Variants in BPHL observed in about 807,000 individuals in gnomAD.
BPHL encodes biphenyl hydrolase like, also known as serine hydrolase BPHL.
Under a neutral mutation model 31.2 loss-of-function variants are expected in BPHL, and 27 were observed. The ratio of observed to expected loss-of-function variants is 0.87; its 90% CI spans 0.64 to 1.19. BPHL has a LOEUF of 1.19. Among genes scored for constraint, BPHL ranks in the 50% most tolerant of loss-of-function variants. The probability of loss-of-function intolerance (pLI) is 0.00; values close to 1 mark genes in which losing one functional copy is unlikely to be tolerated. For synonymous variants in BPHL, 150 were observed against 146.8 expected (o/e 1.02, Z -0.16); for missense variants, 356 against 375.7 (o/e 0.95, Z 0.43).
chr6:3,123,906 A>G (rs765876410), intron 2 of BPHL, 146 bp downstream of exon 2: 2 of 661,194 alleles, frequency 3.0e-6, no homozygotes, highest in Non-Finnish European at 4.8e-6. Flanking sequence ...AATGACTTAG[A>G]AAAGTAGGTA....
chr6:3,141,793 G>A (rs1762185289), intron 6 of BPHL, among the ~76,000 whole-genome samples: 3 of 152,122 alleles, frequency 2.0e-5, no homozygotes, highest in East Asian at 4.0e-4. Context: ...AGCCAACATG[G>A]CGAAACCCCA....
intron 1 of BPHL, 51 bp from the exon 2 acceptor site, chr6:3,123,606 A>T (rs1363631819): frequency 6.6e-7 from 1 of 1,522,140 alleles, no homozygotes; most frequent in Admixed American, 1.7e-5. Flanking sequence ...CAACTAAGAA[A>T]TCTTCCCATC....
rs889611200 is a variant in BPHL, at chr6:3,129,158, C to G, written c.492C>G (p.Ala164=). The G allele has an allele frequency of 3.7e-6, 6 of 1,609,500 alleles. No individual in the cohort carries two copies. The highest frequency in any genetic ancestry group is 5.1e-6 in the Non-Finnish European group (6 of 1,177,356). ...SYIHKMVIWG[A]NAYVTDEDSM... The stretch of plus-strand genomic sequence containing the variant: ...TCCACAAGATGGTGATCTGGGGCGC[C>G]AACGCCTACGTCACTGACGAAGACA... The change falls in exon 4 of 7, where the codon GCC becomes GCG. Residue 164 remains alanine (A), a synonymous_variant. Coordinates refer to ENST00000380379, the MANE Select transcript of BPHL (RefSeq NM_004332.4).
intron 1 of BPHL, among the ~76,000 whole-genome samples, chr6:3,122,106 C>A (rs528686518): frequency 6.6e-6 from 1 of 151,964 alleles, no homozygotes; most frequent in Non-Finnish European, 1.5e-5. Flanking sequence ...GGTGAAACCC[C>A]GTCTCTACTA....
At position 3,121,916 on chromosome 6, in the gene BPHL, A is replaced by C. The variant is rs140491447; in HGVS notation, c.108-1741A>C. Among the ~76,000 whole-genome samples the C allele has an allele frequency of 5.4e-4, 83 of 152,300 alleles. No homozygotes were observed. In the East Asian group the frequency reaches 0.016, roughly 29 times the overall value. On this transcript the variant is annotated intron_variant, in intron 1 of 6. Coordinates refer to ENST00000380379, the MANE Select transcript of BPHL (RefSeq NM_004332.4). ...CAAATAAGATTAAACCAAAAGATAA[A>C]ACAGGACCTCATTTTTTCAAAAGGG...
At chr6:3,146,146 TTGGAGTG>T (rs1762345030) in intron 6 of BPHL, among the ~76,000 whole-genome samples, 1 of 28,128 alleles carries the variant, frequency 3.6e-5, no homozygotes, top group Non-Finnish European at 6.6e-5. Flanking sequence ...CTGGTTCGGG[TTGGAGTG>T]CTGGTTCGGG....
At chr6:3,144,757 G>A (rs1211582957) in intron 6 of BPHL, among the ~76,000 whole-genome samples, 4 of 152,102 alleles carry the variant, frequency 2.6e-5, no homozygotes, top group Non-Finnish European at 4.4e-5. Context: ...ACACTCCACC[G>A]CCTATCCCAG....
At chr6:3,119,167 T>G in intron 1 of BPHL, 1 of 947,462 alleles carries the variant, frequency 1.1e-6, no homozygotes, top group South Asian at 1.4e-5. Flanking sequence ...GCCTGTAGTA[T>G]GGACTCACCC....
chr6:3,118,593 T>A (rs1761455083), upstream of BPHL: 1 of 535,666 alleles, frequency 1.9e-6, no homozygotes, highest in Admixed American at 4.4e-5. Flanking sequence ...CGGCAGGGCG[T>A]GGCTTCGGGG....
intron 2 of BPHL, among the ~76,000 whole-genome samples, chr6:3,125,509 GTTTT>G: frequency 6.7e-6 from 1 of 149,664 alleles, no homozygotes; most frequent in Non-Finnish European, 1.5e-5. Flanking sequence ...TTCCTTAAAT[GTTTT>G]TTTAAGTTTT....
At chr6:3,133,214 C>T (rs910751746) in intron 4 of BPHL, among the ~76,000 whole-genome samples, 1 of 150,292 alleles carries the variant, frequency 6.7e-6, no homozygotes. Context: ...CCCCACACTG[C>T]GGCCTGCAGC....
chr6:3,140,635 C>A lies in BPHL; in HGVS notation c.788+126C>A, dbSNP rs935341430. On this transcript the variant is annotated intron_variant, in intron 6 of 6. Coordinates refer to ENST00000380379, the MANE Select transcript of BPHL (RefSeq NM_004332.4). The surrounding 1 kb of genome is among the most constrained non-coding windows in gnomAD (Gnocchi z 5.2). ...TGCACAGCCCCCCTTTTGCCAATGC[C>A]AGTCAGTAGCACCGCTTTATTTAGG... 5 of 1,396,150 alleles carry A rather than the reference C, an allele frequency of 3.6e-6. No homozygotes were observed. Among genetic ancestry groups the A allele is most frequent in the South Asian group, 1.3e-5 (1 of 76,390 alleles). 86.5% of individuals were successfully genotyped at this position (1,396,150 alleles called of 1,614,324 possible).
rs1581460183 is a variant in BPHL at position 3,123,002 on chromosome 6, A to G, written c.108-655A>G. ...TGCCCCTGATGTCCACCCTCGTTTC[A>G]CGCCAGCCTGCACTTGAGGACCCTT... On this transcript the variant is annotated intron_variant, in intron 1 of 6. Transcript: ENST00000380379. Among the ~76,000 whole-genome samples, 3 of 152,252 alleles carry G rather than the reference A, an allele frequency of 2.0e-5. No homozygotes were observed. In the South Asian group the frequency reaches 6.2e-4, roughly 32 times the overall value.
chr6:3,146,707 C>T (rs1467593366), intron 6 of BPHL, among the ~76,000 whole-genome samples: 4 of 124,530 alleles, frequency 3.2e-5, no homozygotes, highest in African/African-American at 9.8e-5. Context: ...TGATTTGGGT[C>T]GGAGTGCTGG....
intron 6 of BPHL, among the ~76,000 whole-genome samples, chr6:3,148,634 C>T (rs1370748153): frequency 1.3e-5 from 2 of 152,206 alleles, no homozygotes; most frequent in African/African-American, 2.4e-5. Flanking sequence ...CTCCTCTTCC[C>T]AGGTGCTGCT....
Position 3,123,752 on chromosome 6 carries a change from G to T in BPHL, c.203G>T (p.Gly68Val), listed in dbSNP as rs773750361. ...GATCACGCAGTCCTGCTACTTCCTG[G>T]GATGTTAGGTCTGGGTACTTTTTAA... ...EGDHAVLLLP[G>V]MLGSGETDFG... Residue 68 changes from glycine (G) to valine (V), a missense_variant, in exon 2 of 7, where the codon GGG (glycine) becomes GTG (valine). By Grantham distance (109) the Gly-to-Val change is moderately radical. Coordinates refer to ENST00000380379, the MANE Select transcript of BPHL (RefSeq NM_004332.4). The T allele has an allele frequency of 6.2e-7, 1 of 1,611,236 alleles. No individual in the cohort carries two copies. The highest frequency in any genetic ancestry group is 1.3e-5 in the African/African-American group (1 of 74,824).
chr6:3,143,089 G>A (rs1762223759), intron 6 of BPHL, among the ~76,000 whole-genome samples: 1 of 152,014 alleles, frequency 6.6e-6, no homozygotes, highest in Non-Finnish European at 1.5e-5. Flanking sequence ...CATGGTCGTG[G>A]GCACCCGTAA....
intron 6 of BPHL, among the ~76,000 whole-genome samples, chr6:3,143,734 G>T (rs1450436893): frequency 6.6e-6 from 1 of 152,346 alleles, no homozygotes; most frequent in East Asian, 1.9e-4. Flanking sequence ...TCTACCCAAA[G>T]GAGGTCACAC....
rs909498589 is a variant in BPHL at position 3,120,454 on chromosome 6, G to A, written c.107+1607G>A. ...AAACAGGTTTTTCTGGATTTTGTAC[G>A]GCCGTTTTATAAATGCAGCTGCAAG... On this transcript the variant is annotated intron_variant, in intron 1 of 6. Transcript: ENST00000380379. 6.4e-4 allele frequency among the ~76,000 whole-genome samples: 97 copies of A among 152,166 alleles called. 1 individual carries two copies. The highest frequency in any genetic ancestry group is 1.1e-3 in the Non-Finnish European group (73 of 68,018).
Sources: allele counts gnomAD v4.1 joint callset (sites outside exome capture counted in the v4.1 genomes callset), GRCh38; gene constraint gnomAD v4.1.1; non-coding constraint Gnocchi (gnomAD v3.1); transcripts MANE v1.5; gene names NCBI Gene and HGNC (gene_info 2026-07-23, HGNC 2026-07-21).